Variants in VWF observed in about 807,000 individuals in gnomAD.
The protein encoded by VWF is Factor VIII related antigen.
VWF carries 176 observed loss-of-function variants against 308.6 expected under a neutral mutation model. The ratio of observed to expected loss-of-function variants is 0.57; its 90% CI spans 0.50 to 0.65. The LOEUF (loss-of-function observed/expected upper bound fraction) is 0.65, where lower values mean the gene tolerates loss of function less well. VWF is among the 30% of genes least tolerant of loss of function. VWF has a pLI of 0.00. For missense variants in VWF, 3,146 were observed against 3,648.2 expected (o/e 0.86, Z 3.55); for synonymous variants, 1,385 against 1,443.4 (o/e 0.96, Z 0.92).
At chr12:6,112,528 A>G (rs1017407423) in intron 3 of VWF, among the ~76,000 whole-genome samples, 2 of 152,214 alleles carry the variant, frequency 1.3e-5, no homozygotes, top group African/African-American at 4.8e-5. Context: ...CAATGCCTTG[A>G]GGTCCTGAAG....
At position 5,969,349 on chromosome 12, in the gene VWF, T is replaced by C; in HGVS notation, c.7591A>G (p.Asn2531Asp). 1 of 1,614,196 alleles carries C rather than the reference T, an allele frequency of 6.2e-7. No individual in the cohort carries two copies. The highest frequency in any genetic ancestry group is 1.1e-5 in the South Asian group (1 of 91,082). Residue 2531 changes from asparagine (N) to aspartate (D), a missense_variant, in exon 45 of 52, where the codon AAT becomes GAT. Physicochemically the swap from Asn to Asp is conservative, Grantham distance 23 (BLOSUM62 1). This residue lies in a region of VWF where 989 missense variants were observed against 1,117.4 expected (regional missense o/e 0.89). Transcript: ENST00000261405. ...TCCTCCTTCACTCGGACACACTCAT[T>C]GATGAGGCAGGGGTTCTCCGGGGAG... is the stretch of plus-strand genomic sequence containing the variant. ...WASPENPCLI[N>D]ECVRVKEEVF...
chr12:6,082,519 G>C (rs2136483178), intron 6 of VWF, among the ~76,000 whole-genome samples: 1 of 152,272 alleles, frequency 6.6e-6, no homozygotes, highest in East Asian at 1.9e-4. Context: ...TTTTAAGTTA[G>C]GCCTAAAGGT....
chr12:5,967,224 A>G (rs961431883), intron 47 of VWF, among the ~76,000 whole-genome samples: 1 of 152,242 alleles, frequency 6.6e-6, no homozygotes, highest in African/African-American at 2.4e-5. Context: ...TAAACATAGT[A>G]TCATAAGCCT....
chr12:6,041,668 C>T (rs1944397935), intron 18 of VWF, among the ~76,000 whole-genome samples: 1 of 151,902 alleles, frequency 6.6e-6, no homozygotes, highest in Non-Finnish European at 1.5e-5. Context: ...GGGATGGTCT[C>T]GATCTCCTGA....
At chr12:5,989,920 A>G (rs1591846018) in intron 38 of VWF, among the ~76,000 whole-genome samples, 1 of 152,226 alleles carries the variant, frequency 6.6e-6, no homozygotes, top group East Asian at 1.9e-4. Context: ...TTCTAGCCCC[A>G]TATGTAAATT....
intron 47 of VWF, among the ~76,000 whole-genome samples, chr12:5,959,844 C>A (rs1462642761): frequency 2.0e-5 from 3 of 151,466 alleles, no homozygotes; most frequent in Non-Finnish European, 4.4e-5. Context: ...AAAAACAGTT[C>A]TTGAAGGAAA....
chr12:6,099,035 A>G (rs190538989), intron 5 of VWF, among the ~76,000 whole-genome samples: 2 of 151,940 alleles, frequency 1.3e-5, no homozygotes, highest in African/African-American at 4.8e-5. Flanking sequence ...CTAAGAAACA[A>G]TGGGCTGGCC....
intron 34 of VWF, 49 bp from the exon 35 acceptor site, chr12:5,996,271 T>C (rs1338955570): frequency 3.4e-5 from 53 of 1,544,196 alleles, no homozygotes; most frequent in Non-Finnish European, 4.5e-5. Context: ...CAAACCCCCA[T>C]GCCTACTACA....
chr12:5,961,069 G>C (rs1388095689), intron 47 of VWF, among the ~76,000 whole-genome samples: 1 of 152,168 alleles, frequency 6.6e-6, no homozygotes, highest in African/African-American at 2.4e-5. Context: ...AGGGATCCAG[G>C]TTGCGTGCTC....
At chr12:6,005,047 A>G (rs1478825362) in intron 34 of VWF, among the ~76,000 whole-genome samples, 4 of 152,204 alleles carry the variant, frequency 2.6e-5, no homozygotes, top group African/African-American at 9.6e-5. Context: ...CAAACTTTTT[A>G]TGGAGGTAAA....
chr12:6,036,361 C>T (rs754514539), intron 19 of VWF, 27 bp downstream of exon 19: 5 of 1,608,040 alleles, frequency 3.1e-6, no homozygotes, highest in Non-Finnish European at 4.3e-6. Context: ...GCCTGGGTCC[C>T]CGGCGCAGCC....
chr12:6,114,152 C>A (rs1945340561), intron 3 of VWF, among the ~76,000 whole-genome samples: 1 of 152,190 alleles, frequency 6.6e-6, no homozygotes, highest in South Asian at 2.1e-4. Flanking sequence ...CCCCCGTGAG[C>A]CCCTCCTTGG....
chr12:6,103,381 T>TACACGTGTGTGTATACACGTGTGTGTAC (rs1945192198), intron 5 of VWF, among the ~76,000 whole-genome samples: 1 of 130,460 alleles, frequency 7.7e-6, no homozygotes, highest in Non-Finnish European at 1.6e-5. Flanking sequence ...TGTGTGTGTA[T>TACACGTGTGTGTATACACGTGTGTGTAC]ACACGTGTGT....
intron 5 of VWF, among the ~76,000 whole-genome samples, chr12:6,105,646 T>C (rs1010725746): frequency 1.3e-5 from 2 of 152,210 alleles, no homozygotes; most frequent in African/African-American, 4.8e-5. Flanking sequence ...AGGAATATTT[T>C]AAAATTTCAC....
In VWF at chr12:6,057,072, G is replaced by C. The variant is rs759780661; in HGVS notation, c.1730C>G (p.Thr577Ser). ...CGCGCACGCCTCCTCGGAGAACCTG[G>C]CTGTGGGGCGAGAGGAGCGAGCCTG... Reference protein sequence around the residue: ...SDPCALNPRMTRFSEEACAVL... With the variant: ...SDPCALNPRMSRFSEEACAVL... The change falls in exon 15 of 52, where the codon ACC (threonine) becomes AGC (serine). Residue 577 changes from threonine to serine, a missense_variant and splice_region_variant. Coordinates refer to ENST00000261405, the MANE Select transcript of VWF (RefSeq NM_000552.5). 1.3e-6 allele frequency: 2 copies of C among 1,535,716 alleles called. No homozygotes were observed. The highest frequency in any genetic ancestry group is 1.7e-6 in the Non-Finnish European group (2 of 1,147,144).
chr12:5,975,502 A>G (rs1227171239), intron 43 of VWF, among the ~76,000 whole-genome samples: 1 of 152,202 alleles, frequency 6.6e-6, no homozygotes, highest in African/African-American at 2.4e-5. Flanking sequence ...GGCAGCCACC[A>G]CGAACTGGAT....
chr12:6,018,058 GCA>G, intron 28 of VWF, among the ~76,000 whole-genome samples: 1 of 89,794 alleles, frequency 1.1e-5, no homozygotes, highest in East Asian at 3.8e-4. Context: ...AGTAAGACTT[GCA>G]TTTTTTTTTT....
At position 6,018,484 on chromosome 12, in the gene VWF, G is replaced by A; in HGVS notation, c.4934C>T (p.Pro1645Leu). 6.2e-7 allele frequency: 1 copy of A among 1,613,706 alleles called. No homozygotes were observed. Among genetic ancestry groups the A allele is most frequent in the Admixed American group, 1.7e-5 (1 of 60,012 alleles). Residue 1645 changes from proline (P) to leucine (L), a missense_variant, in exon 28 of 52, where the codon CCC becomes CTC. Pro to Leu is a moderately conservative substitution (Grantham distance 98). This residue lies in a region of VWF where 853 missense variants were observed against 1,177.8 expected (regional missense o/e 0.72). Coordinates refer to ENST00000261405, the MANE Select transcript of VWF (RefSeq NM_000552.5). ...GTCCTGGATGAGGATAGGGGCATTG[G>A]GCCAGCCAATCCTCTCCAGCTCCTG... The part of the protein sequence containing the change: ...NVQELERIGW[P>L]NAPILIQDFE...
rs866713206 is a variant in VWF, at chr12:6,063,246, G to A, written c.1433-192C>T. Among the ~76,000 whole-genome samples the A allele has an allele frequency of 1.1e-4, 16 of 152,230 alleles. 1 individual carries two copies. In the Middle Eastern group the frequency reaches 0.027, roughly 259 times the overall value. On this transcript the variant is annotated intron_variant, in intron 12 of 51. Coordinates refer to ENST00000261405, the MANE Select transcript of VWF (RefSeq NM_000552.5). This position sits in a 1 kb window ranked among gnomAD's most constrained non-coding sequence, Gnocchi z 4.9. ...GAAGGGTGATCAAGGTGGACAGAGC[G>A]CAAATAGGGTCCCCCAGGAAGAAGC...
Sources: gnomAD v4.1 joint callset for allele counts (sites outside exome capture counted in the v4.1 genomes callset) on GRCh38, gnomAD v4.1.1 for gene constraint, gnomAD v4.1.1 regional missense constraint, Gnocchi (gnomAD v3.1) non-coding constraint, MANE v1.5 for transcripts, NCBI Gene and HGNC (gene_info 2026-07-23, HGNC 2026-07-21) for gene names.